Variants in HDAC8 observed in about 807,000 individuals in gnomAD.
The protein encoded by HDAC8 is histone deacetylase 8, also known as histone deacetylase-like 1.
A neutral mutation model predicts 32.2 loss-of-function variants in HDAC8; 1 was observed. The ratio of observed to expected loss-of-function variants is 0.03; its 90% confidence interval spans 0.01 to 0.15. The LOEUF (loss-of-function observed/expected upper bound fraction) is 0.15, where lower values mean the gene tolerates loss of function less well. Ranked by LOEUF, HDAC8 falls within the 10% of genes least tolerant of loss-of-function variation. The probability of loss-of-function intolerance (pLI) is 1.00; values close to 1 mark genes in which losing one functional copy is unlikely to be tolerated. For synonymous variants in HDAC8, 108 were observed against 113.9 expected, an observed-to-expected ratio of 0.95 and a Z score of 0.33; for missense variants, 117 against 300.0, an observed-to-expected ratio of 0.39 and a Z score of 4.51.
intron 9 of HDAC8, among the ~76,000 whole-genome samples, chrX:72,459,303 C>T (rs994458237): frequency 2.7e-5 from 3 of 110,984 alleles, no homozygotes; most frequent in Non-Finnish European, 3.8e-5. Flanking sequence ...AATAAATGAA[C>T]GTGAAGGAAG....
chrX:72,515,075 T>G (rs113689910), intron 4 of HDAC8, among the ~76,000 whole-genome samples: 1,540 of 111,211 alleles, frequency 0.014, 19 homozygotes, highest in African/African-American at 0.037. Flanking sequence ...TAAGATCTAC[T>G]CTCTTGGCAG....
intron 9 of HDAC8, among the ~76,000 whole-genome samples, chrX:72,396,361 C>G (rs1182663304): frequency 8.9e-6 from 1 of 112,455 alleles, no homozygotes; most frequent in Admixed American, 9.4e-5. Context: ...TGTCTGCAGC[C>G]TGCCTTTGGC....
At chrX:72,516,393 C>CAA (rs1424424031) in intron 4 of HDAC8, among the ~76,000 whole-genome samples, 1 of 110,118 alleles carries the variant, frequency 9.1e-6, no homozygotes, top group Non-Finnish European at 1.9e-5. Flanking sequence ...TTTAAATCTT[C>CAA]TGATTCTTGT....
intron 9 of HDAC8, among the ~76,000 whole-genome samples, chrX:72,457,387 A>G (rs986987488): frequency 1.2e-4 from 14 of 112,367 alleles, no homozygotes; most frequent in Non-Finnish European, 7.5e-5. Context: ...AAAGAAATAA[A>G]AGACATGAAG....
intron 9 of HDAC8, among the ~76,000 whole-genome samples, chrX:72,404,726 A>G (rs1555968345): frequency 9.0e-6 from 1 of 111,309 alleles, no homozygotes; most frequent in Non-Finnish European, 1.9e-5. Flanking sequence ...TTGCTTATTG[A>G]GAAGTCAGCT....
chrX:72,433,571 T>C (rs1185006113), intron 9 of HDAC8, among the ~76,000 whole-genome samples: 3 of 112,003 alleles, frequency 2.7e-5, no homozygotes, highest in African/African-American at 6.5e-5. Context: ...AAGAGATTGC[T>C]GAATGGTCTG....
At chrX:72,406,718 C>T (rs1310127580) in intron 9 of HDAC8, among the ~76,000 whole-genome samples, 2 of 112,427 alleles carry the variant, frequency 1.8e-5, no homozygotes, top group Non-Finnish European at 3.8e-5. Context: ...TGTCAGTCCC[C>T]AGGCCTGTGC....
chrX:72,564,978 A>C (rs1556130394), intron 4 of HDAC8, among the ~76,000 whole-genome samples: 2 of 112,436 alleles, frequency 1.8e-5, no homozygotes, highest in Non-Finnish European at 3.8e-5. Context: ...GATTGCCAAG[A>C]ATATTGTTAC....
chrX:72,425,222 T>C (rs1318688913), intron 9 of HDAC8, among the ~76,000 whole-genome samples: 1 of 112,443 alleles, frequency 8.9e-6, no homozygotes, highest in Non-Finnish European at 1.9e-5. Flanking sequence ...TTATTTTCCA[T>C]TTTTTAATAA....
rs199936523 is a variant in HDAC8 at position 72,361,648 on chromosome X, G to A, written c.1006-9810C>T. On this transcript the variant is annotated intron_variant, in intron 9 of 10. Transcript: ENST00000373573. ...AGTGTGTGTGTGCGTGTATATGTTT[G>A]CATGTGTGCACATGAATGCATTGTA... 9.1e-5 allele frequency among the ~76,000 whole-genome samples: 10 copies of A among 109,518 alleles called. No individual in the cohort carries two copies. The East Asian group carries it at 2.0e-3, about 22-fold the overall frequency.
chrX:72,538,480 G>A (rs921374602), intron 4 of HDAC8, among the ~76,000 whole-genome samples: 2 of 111,221 alleles, frequency 1.8e-5, no homozygotes, highest in South Asian at 3.8e-4. Context: ...TACTGCTCTC[G>A]GTCCCTTGGT....
At chrX:72,559,666 G>A (rs1470201681) in intron 4 of HDAC8, among the ~76,000 whole-genome samples, 2 of 107,645 alleles carry the variant, frequency 1.9e-5, no homozygotes, top group Non-Finnish European at 3.9e-5. Context: ...GATGTGGGGA[G>A]CACCTCTGCC....
intron 9 of HDAC8, among the ~76,000 whole-genome samples, chrX:72,453,474 A>AAG (rs1555988465): frequency 1.0e-5 from 1 of 99,956 alleles, no homozygotes; most frequent in Non-Finnish European, 2.0e-5. Flanking sequence ...TAAAGAAAGA[A>AAG]AGAAAGAAAG....
intron 4 of HDAC8, among the ~76,000 whole-genome samples, chrX:72,542,916 G>A (rs933504328): frequency 3.6e-5 from 4 of 112,091 alleles, no homozygotes; most frequent in African/African-American, 6.5e-5. Flanking sequence ...ACTATTCTAC[G>A]TGCTTTACAC....
intron 9 of HDAC8, among the ~76,000 whole-genome samples, chrX:72,450,765 AG>A (rs2148012445): frequency 9.0e-6 from 1 of 111,506 alleles, no homozygotes; most frequent in African/African-American, 3.3e-5. Context: ...AGTGTCTTGT[AG>A]GACAGCATCA....
rs896339753 is a variant in HDAC8 at position 72,462,136 on chromosome X, G to T, written c.911-38C>A. ...AGAATTGTGAAGTTAGGAAAGAATA[G>T]TCATAAAACAGCAGGAGAGGGAAGG... On this transcript the variant is annotated intron_variant, in intron 8 of 10. Transcript: ENST00000373573. The T allele has an allele frequency of 6.9e-6, 7 of 1,020,126 alleles. No homozygotes were observed. The African/African-American group carries it at 1.1e-4, about 16-fold the overall frequency. The allele number at this position is 1,020,126 out of a possible 1,213,427, so 84.1% of individuals were successfully genotyped here.
chrX:72,441,680 A>G (rs1569299969), intron 9 of HDAC8, among the ~76,000 whole-genome samples: 2 of 112,594 alleles, frequency 1.8e-5, no homozygotes, highest in Non-Finnish European at 3.7e-5. Context: ...ACAAAGCTGG[A>G]TGGAGAATGA....
At chrX:72,423,812 G>A (rs2046558214) in intron 9 of HDAC8, among the ~76,000 whole-genome samples, 1 of 111,956 alleles carries the variant, frequency 8.9e-6, no homozygotes, top group African/African-American at 3.2e-5. Flanking sequence ...TCACCTGAGA[G>A]TCTTCCCTCT....
At chrX:72,478,845 C>T (rs782076770) in intron 7 of HDAC8, among the ~76,000 whole-genome samples, 2 of 109,352 alleles carry the variant, frequency 1.8e-5, no homozygotes, top group South Asian at 4.0e-4. Flanking sequence ...TTAGTAGAGA[C>T]GGGGTTTCAC....
Sources: gnomAD v4.1 joint callset for allele counts (sites outside exome capture counted in the v4.1 genomes callset) on GRCh38, gnomAD v4.1.1 for gene constraint, MANE v1.5 for transcripts, NCBI Gene and HGNC (gene_info 2026-07-23, HGNC 2026-07-21) for gene names.